SHANK2: variants seen among roughly 807,000 people sequenced by gnomAD.
SHANK2 encodes SH3 and multiple ankyrin repeat domains protein 2.
In SHANK2, 43 loss-of-function variants were observed where a neutral mutation model predicts 133.7. The ratio of observed to expected loss-of-function variants is 0.32; its 90% CI spans 0.25 to 0.41. SHANK2 has a LOEUF of 0.41. Among genes scored for constraint, SHANK2 ranks in the 10% least tolerant of loss-of-function variants. The probability of loss-of-function intolerance (pLI) is 1.00; values close to 1 mark genes in which losing one functional copy is unlikely to be tolerated. For synonymous variants in SHANK2, 1,017 were observed against 952.8 expected (o/e 1.07, Z -1.24); for missense variants, 1,994 against 2,235.8 (o/e 0.89, Z 2.18).
chr11:71,056,300 G>A (rs1950918928), intron 10 of SHANK2, among the ~76,000 whole-genome samples, 181 bp downstream of exon 10: 1 of 152,224 alleles, frequency 6.6e-6, no homozygotes, highest in Non-Finnish European at 1.5e-5. Flanking sequence ...CAAGCACACT[G>A]AGACGGGGCA....
intron 11 of SHANK2, among the ~76,000 whole-genome samples, chr11:70,833,759 A>T (rs1555059213): frequency 6.6e-6 from 1 of 152,194 alleles, no homozygotes; most frequent in Non-Finnish European, 1.5e-5. Context: ...CTGACTGTTC[A>T]TTATTGTGAT....
At chr11:70,757,191 C>T (rs1373807034) in intron 14 of SHANK2, among the ~76,000 whole-genome samples, 2 of 152,222 alleles carry the variant, frequency 1.3e-5, no homozygotes, top group African/African-American at 4.8e-5. Flanking sequence ...AGGTTAATAG[C>T]AGTGTTAGGA....
rs1165674882 is a variant in SHANK2 at position 70,757,309 on chromosome 11, G to A, written c.1777+41134C>T. On this transcript the variant is annotated intron_variant, in intron 14 of 25. Transcript: ENST00000601538. ...CCTCGGTTTCCTTATCTGTAAAAAG[G>A]GATAACAACCATATCAACCCATGCA... is the stretch of plus-strand genomic sequence containing the variant. Among the ~76,000 whole-genome samples the A allele has an allele frequency of 2.0e-5, 3 of 152,318 alleles. No homozygotes were observed. In the South Asian group the frequency reaches 6.2e-4, roughly 32 times the overall value.
chr11:70,820,315 C>A (rs569452331), intron 12 of SHANK2, 49 bp downstream of exon 12: 2 of 593,346 alleles, frequency 3.4e-6, no homozygotes, highest in Admixed American at 3.0e-5. Flanking sequence ...GGAGCTGGGA[C>A]CCCCAGCACG....
intron 17 of SHANK2, among the ~76,000 whole-genome samples, chr11:70,600,161 G>C (rs57807859): frequency 0.012 from 1,828 of 152,188 alleles, 33 homozygotes; most frequent in African/African-American, 0.042. Flanking sequence ...GCTCACACCT[G>C]TAATCCCAGC....
intron 17 of SHANK2, among the ~76,000 whole-genome samples, chr11:70,658,664 T>C (rs2061442172): frequency 6.6e-6 from 1 of 152,238 alleles, no homozygotes; most frequent in South Asian, 2.1e-4. Context: ...GTAATAGTCC[T>C]GAGGATCTCT....
intron 8 of SHANK2, among the ~76,000 whole-genome samples, chr11:71,092,133 C>T (rs1951529424): frequency 6.6e-6 from 1 of 152,252 alleles, no homozygotes; most frequent in Non-Finnish European, 1.5e-5. Context: ...CACCCCATAA[C>T]TGCAGGGCAC....
At chr11:70,620,101 C>G (rs1040142737) in intron 17 of SHANK2, among the ~76,000 whole-genome samples, 7 of 152,192 alleles carry the variant, frequency 4.6e-5, no homozygotes, top group Non-Finnish European at 1.0e-4. Context: ...TCCCCACCCT[C>G]TGACCTCATC....
chr11:70,679,515 G>T (rs1445880960), intron 15 of SHANK2, among the ~76,000 whole-genome samples: 2 of 152,238 alleles, frequency 1.3e-5, no homozygotes, highest in African/African-American at 2.4e-5. Flanking sequence ...AGCAGCGGAG[G>T]CTTCCAGCCA....
intron 2 of SHANK2, among the ~76,000 whole-genome samples, chr11:71,148,672 T>C (rs777433736): frequency 2.0e-5 from 3 of 152,218 alleles, no homozygotes; most frequent in Non-Finnish European, 4.4e-5. Context: ...TCACCCTGAT[T>C]GTTTAGGGAC....
intron 10 of SHANK2, among the ~76,000 whole-genome samples, chr11:70,953,575 T>C (rs945016091): frequency 1.3e-5 from 2 of 151,896 alleles, no homozygotes; most frequent in Non-Finnish European, 2.9e-5. Flanking sequence ...GAAGGAAGCA[T>C]CCAGCATGGG....
intron 12 of SHANK2, among the ~76,000 whole-genome samples, chr11:70,813,316 C>G (rs1948316915): frequency 6.6e-6 from 1 of 152,110 alleles, no homozygotes; most frequent in Non-Finnish European, 1.5e-5. Flanking sequence ...GGGAAAGGCT[C>G]TGCAGGGATG....
intron 15 of SHANK2, among the ~76,000 whole-genome samples, chr11:70,689,724 C>A (rs1384196812): frequency 2.0e-5 from 3 of 152,240 alleles, no homozygotes; most frequent in Non-Finnish European, 2.9e-5. Flanking sequence ...AGGACCATCA[C>A]CAAGAAGACA....
At chr11:71,084,653 G>A (rs1590893178) in intron 8 of SHANK2, among the ~76,000 whole-genome samples, 1 of 152,212 alleles carries the variant, frequency 6.6e-6, no homozygotes, top group South Asian at 2.1e-4. Context: ...GCACAGCCCA[G>A]TGAGGTCCAG....
chr11:71,204,604 C>T (rs188242621), intron 2 of SHANK2, among the ~76,000 whole-genome samples: 3 of 152,322 alleles, frequency 2.0e-5, no homozygotes, highest in Non-Finnish European at 2.9e-5. Flanking sequence ...CTGCCAGCCA[C>T]GCCCTTGCAC....
chr11:70,738,668 G>A (rs1266683276), intron 14 of SHANK2, among the ~76,000 whole-genome samples: 13 of 152,202 alleles, frequency 8.5e-5, no homozygotes, highest in Non-Finnish European at 1.8e-4. Context: ...TTTCTGCAGT[G>A]GCCACCGTAC....
chr11:70,594,650 T>G (rs1380310449), intron 17 of SHANK2, among the ~76,000 whole-genome samples: 1 of 152,134 alleles, frequency 6.6e-6, no homozygotes, highest in East Asian at 1.9e-4. Context: ...GGTTTCATTC[T>G]AAGGTGAGGA....
chr11:70,501,676 C>A (rs1421929665), intron 20 of SHANK2, among the ~76,000 whole-genome samples: 1 of 152,228 alleles, frequency 6.6e-6, no homozygotes, highest in Non-Finnish European at 1.5e-5. Flanking sequence ...AGGGCCAGAG[C>A]CTCTCTCTGT....
At chr11:70,663,563 G>A (rs1944618922) in intron 15 of SHANK2, among the ~76,000 whole-genome samples, 1 of 152,158 alleles carries the variant, frequency 6.6e-6, no homozygotes, top group Non-Finnish European at 1.5e-5. Context: ...TGTCTTCCAG[G>A]AATAGCCCAG....
Sources: allele counts gnomAD v4.1 joint callset (sites outside exome capture counted in the v4.1 genomes callset), GRCh38; gene constraint gnomAD v4.1.1; transcripts MANE v1.5; gene names NCBI Gene and HGNC (gene_info 2026-07-23, HGNC 2026-07-21).